NLRP14: variants seen among roughly 807,000 people sequenced by gnomAD.
NLRP14 encodes NACHT, LRR and PYD domains-containing protein 14.
A neutral mutation model predicts 94.7 loss-of-function variants in NLRP14; 105 were observed. That is an observed-to-expected ratio of 1.11 (90% CI 0.95 to 1.30). NLRP14 has a LOEUF of 1.30. Ranked by LOEUF, NLRP14 falls within the 50% of genes most tolerant of loss-of-function variation. The pLI is 0.00. For missense variants in NLRP14, 1,362 were observed against 1,254.1 expected (o/e 1.09, Z -1.30); for synonymous variants, 508 against 459.9 (o/e 1.10, Z -1.34).
chr11:7,024,064 A>G (rs1009446847), intron 1 of NLRP14, among the ~76,000 whole-genome samples: 1 of 152,196 alleles, frequency 6.6e-6, no homozygotes, highest in African/African-American at 2.4e-5. Context: ...GATCTAACAT[A>G]CAAAATTAGA....
chr11:7,031,188 G>T (rs796887307), intron 1 of NLRP14, among the ~76,000 whole-genome samples: 1 of 152,184 alleles, frequency 6.6e-6, no homozygotes, highest in African/African-American at 2.4e-5. Context: ...GGCTTTTGGC[G>T]CTTATACCCT....
the NLRP14 span, chr11:7,089,276 G>T: frequency 6.2e-7 from 1 of 1,608,858 alleles, no homozygotes; most frequent in African/African-American, 1.3e-5. Flanking sequence ...GGGGCTTCGC[G>T]TTCGTCACCT....
the NLRP14 span, among the ~76,000 whole-genome samples, chr11:7,077,864 G>C: frequency 6.6e-6 from 1 of 152,086 alleles, no homozygotes; most frequent in Non-Finnish European, 1.5e-5. Flanking sequence ...ATTTGGGTGG[G>C]GACACAGCCA....
chr11:7,053,500 T>C (rs1852473108), intron 6 of NLRP14, among the ~76,000 whole-genome samples: 2 of 149,982 alleles, frequency 1.3e-5, no homozygotes, highest in East Asian at 1.9e-4. Flanking sequence ...AAAATATTAG[T>C]GTAAGTAATA....
chr11:7,063,607 C>T (rs1852660649), intron 10 of NLRP14, among the ~76,000 whole-genome samples: 1 of 152,022 alleles, frequency 6.6e-6, no homozygotes, highest in African/African-American at 2.4e-5. Flanking sequence ...AAAATATCTA[C>T]CCCTTGTTTC....
At chr11:7,077,378 A>G in the NLRP14 span, among the ~76,000 whole-genome samples, 1 of 152,220 alleles carries the variant, frequency 6.6e-6, no homozygotes, top group African/African-American at 2.4e-5. Flanking sequence ...GCAGGGGGCA[A>G]TTTCGCCAAT....
chr11:7,063,232 A>C (rs1445122891), intron 10 of NLRP14, among the ~76,000 whole-genome samples: 1 of 152,138 alleles, frequency 6.6e-6, no homozygotes, highest in Non-Finnish European at 1.5e-5. Context: ...TTCACCGGTT[A>C]CTGTTTCATG....
the NLRP14 span, chr11:7,089,409 C>T: frequency 1.0e-5 from 16 of 1,580,816 alleles, no homozygotes; most frequent in Non-Finnish European, 1.3e-5. Context: ...GCGGGGCCCG[C>T]CGCCTCCCCG....
In NLRP14 at chr11:7,066,551, G is replaced by A. The variant is rs995555811; in HGVS notation, c.2976-3735G>A. Among the ~76,000 whole-genome samples the A allele has an allele frequency of 2.0e-5, 3 of 152,006 alleles. No individual in the cohort carries two copies. The East Asian group carries it at 5.8e-4, about 29-fold the overall frequency. On this transcript the variant is annotated intron_variant, in intron 10 of 11. Coordinates refer to ENST00000299481, the MANE Select transcript of NLRP14 (RefSeq NM_176822.4). Reference sequence around the variant, plus strand: ...CATATCCTTTGCCCACTTTTTGATGGGGTTGTTTTTTTCTTGTCAATTTGT... The same window carrying A: ...CATATCCTTTGCCCACTTTTTGATGAGGTTGTTTTTTTCTTGTCAATTTGT...
chr11:7,060,922 G>A (rs1297746543), intron 9 of NLRP14, among the ~76,000 whole-genome samples: 3 of 152,018 alleles, frequency 2.0e-5, no homozygotes, highest in African/African-American at 7.2e-5. Context: ...TTTAATGACT[G>A]TATGGTATTT....
At chr11:7,090,619 G>T in the NLRP14 span, 1 of 402,602 alleles carries the variant, frequency 2.5e-6, no homozygotes, top group African/African-American at 2.1e-5. Flanking sequence ...GATAAATGAG[G>T]CAAACAGTTC....
At chr11:7,089,703 C>A in the NLRP14 span, 1 of 1,521,790 alleles carries the variant, frequency 6.6e-7, no homozygotes, top group Non-Finnish European at 8.8e-7. Flanking sequence ...AGGCCCACCG[C>A]GCCGGGAGCC....
chr11:7,061,852 T>A (rs921897069), intron 9 of NLRP14, among the ~76,000 whole-genome samples: 1 of 152,022 alleles, frequency 6.6e-6, no homozygotes, highest in South Asian at 2.1e-4. Flanking sequence ...GGACAAAATA[T>A]GGAAAGAGAA....
chr11:7,085,458 T>C, the NLRP14 span, among the ~76,000 whole-genome samples: 6 of 152,236 alleles, frequency 3.9e-5, no homozygotes, highest in Non-Finnish European at 2.9e-5. Flanking sequence ...AGACACCTCA[T>C]ATAAGTAAAA....
At chr11:7,059,596 C>T (rs1852581057) in intron 8 of NLRP14, among the ~76,000 whole-genome samples, 1 of 151,964 alleles carries the variant, frequency 6.6e-6, no homozygotes, top group Non-Finnish European at 1.5e-5. Flanking sequence ...ACTCCATCTG[C>T]CTGTTCTTCT....
downstream of NLRP14, among the ~76,000 whole-genome samples, chr11:7,071,903 T>G (rs1189301465): frequency 2.0e-5 from 3 of 152,020 alleles, no homozygotes; most frequent in Non-Finnish European, 4.4e-5. Context: ...GAAATGGGAG[T>G]CTACTTCTAC....
chr11:7,062,600 G>T, intron 10 of NLRP14, 97 bp downstream of exon 10: 2 of 1,016,798 alleles, frequency 2.0e-6, no homozygotes, highest in Non-Finnish European at 3.1e-6. Context: ...AAAACTAAAT[G>T]GGGCTAGAAG....
chr11:7,082,409 T>C, the NLRP14 span, among the ~76,000 whole-genome samples: 1 of 152,180 alleles, frequency 6.6e-6, no homozygotes, highest in Admixed American at 6.5e-5. Flanking sequence ...TTCTTAATAA[T>C]TAGTTCAGTC....
chr11:7,034,511 G>A (rs1430625870), intron 1 of NLRP14, among the ~76,000 whole-genome samples: 1 of 152,124 alleles, frequency 6.6e-6, no homozygotes, highest in Non-Finnish European at 1.5e-5. Flanking sequence ...AATTGTAGTA[G>A]TTAATTCAAA....
Sources: allele counts gnomAD v4.1 joint callset (sites outside exome capture counted in the v4.1 genomes callset), GRCh38; gene constraint gnomAD v4.1.1; transcripts MANE v1.5; gene names NCBI Gene and HGNC (gene_info 2026-07-23, HGNC 2026-07-21).